The following GSTA5 variants were observed in gnomAD, a reference collection of about 807,000 sequenced individuals.
GSTA5 encodes glutathione S-transferase A5.
In GSTA5, 25 loss-of-function variants were observed where a neutral mutation model predicts 21.8. That is an observed-to-expected ratio of 1.14 (90% CI 0.83 to 1.60). The LOEUF is 1.60. Among genes scored for constraint, GSTA5 ranks in the 40% most tolerant of loss-of-function variants. GSTA5 has a pLI of 0.00. For missense variants in GSTA5, 330 were observed against 259.2 expected, an observed-to-expected ratio of 1.27 and a Z score of -1.88; for synonymous variants, 102 against 89.5, an observed-to-expected ratio of 1.14 and a Z score of -0.78.
chr6:52,834,119 A>T, intron 4 of GSTA5, 22 bp downstream of exon 4: 1 of 1,614,026 alleles, frequency 6.2e-7, no homozygotes, highest in East Asian at 2.2e-5. Context: ...AGTTCCCCTA[A>T]ACATTGAACA....
intron 1 of GSTA5, among the ~76,000 whole-genome samples, chr6:52,838,790 T>C (rs1223025238): frequency 6.6e-6 from 1 of 152,228 alleles, no homozygotes; most frequent in Non-Finnish European, 1.5e-5. Flanking sequence ...CTGTGTGATC[T>C]AGGAATTATT....
intron 4 of GSTA5, 27 bp downstream of exon 4, chr6:52,834,114 C>T: frequency 1.2e-6 from 2 of 1,613,866 alleles, no homozygotes; most frequent in Non-Finnish European, 1.7e-6. Flanking sequence ...AACTCAGTTC[C>T]CCTAAACATT....
exon 5 of GSTA5, chr6:52,832,960 C>A (rs770310044): frequency 2.5e-6 from 4 of 1,614,008 alleles, no homozygotes; most frequent in Admixed American, 3.3e-5. Context: ...TTGTTGCCAA[C>A]AAGGTAGTCT....
rs1226692213 is a variant in GSTA5 at position 52,836,420 on chromosome 6, T to A, written c.140-52A>T. 9 of 1,557,096 alleles carry A rather than the reference T, an allele frequency of 5.8e-6. No individual in the cohort carries two copies. The African/African-American group carries it at 1.1e-4, about 19-fold the overall frequency. On this transcript the variant is annotated intron_variant, in intron 2 of 5. Transcript: ENST00000370989. The stretch of plus-strand genomic sequence containing the variant: ...ATGAAGTGTCTATGAAACCCACCCT[T>A]TTGGGATGAAAAAAATGGTTATGGA...
At chr6:52,841,773 G>A (rs1764380145), upstream of GSTA5, among the ~76,000 whole-genome samples, 2 of 152,138 alleles carry the variant, frequency 1.3e-5, no homozygotes, top group African/African-American at 4.8e-5. Flanking sequence ...TTACAGTTGA[G>A]GATACTGAGG....
At chr6:52,835,368 A>G (rs1261615741) in intron 3 of GSTA5, among the ~76,000 whole-genome samples, 2 of 152,158 alleles carry the variant, frequency 1.3e-5, no homozygotes, top group Admixed American at 1.3e-4. Flanking sequence ...TCATGACCAA[A>G]TATCTTTCCA....
intron 3 of GSTA5, among the ~76,000 whole-genome samples, 191 bp from the exon 4 acceptor site, chr6:52,834,473 T>C (rs1289347218): frequency 6.6e-6 from 1 of 152,224 alleles, no homozygotes; most frequent in East Asian, 1.9e-4. Flanking sequence ...TTTACAGGTA[T>C]ATTAACATTT....
At chr6:52,844,704 T>G (rs889697509), upstream of GSTA5, among the ~76,000 whole-genome samples, 1 of 152,168 alleles carries the variant, frequency 6.6e-6, no homozygotes, top group African/African-American at 2.4e-5. Flanking sequence ...GGTAGTTATT[T>G]CTACTTTTGA....
chr6:52,835,611 A>C (rs906244002), intron 3 of GSTA5, among the ~76,000 whole-genome samples: 2 of 152,158 alleles, frequency 1.3e-5, no homozygotes, highest in Non-Finnish European at 2.9e-5. Flanking sequence ...TTCAGGATTT[A>C]TTTGTAATTA....
upstream of GSTA5, among the ~76,000 whole-genome samples, chr6:52,843,921 C>T (rs938089009): frequency 6.6e-6 from 1 of 152,126 alleles, no homozygotes; most frequent in Non-Finnish European, 1.5e-5. Context: ...CATATCGCCT[C>T]TCAATATGAG....
intron 5 of GSTA5, 76 bp downstream of exon 5, chr6:52,832,783 T>G (rs1343588332): frequency 1.2e-6 from 2 of 1,603,674 alleles, no homozygotes; most frequent in East Asian, 4.5e-5. Flanking sequence ...CAAAACATGG[T>G]CAGTCCCGGG....
At chr6:52,832,537 TG>T (rs1489936415) in intron 5 of GSTA5, among the ~76,000 whole-genome samples, 2 of 152,042 alleles carry the variant, frequency 1.3e-5, no homozygotes, top group Non-Finnish European at 2.9e-5. Flanking sequence ...AGGGCACATG[TG>T]GGATAAAGGA....
chr6:52,832,518 G>A (rs779609157), intron 5 of GSTA5, among the ~76,000 whole-genome samples: 2 of 152,042 alleles, frequency 1.3e-5, no homozygotes, highest in African/African-American at 2.4e-5. Context: ...AATTCAATGC[G>A]GGAAGACAAG....
At chr6:52,837,644 T>A (rs1161167007) in intron 1 of GSTA5, 35 bp from the exon 2 acceptor site, 1 of 1,446,280 alleles carries the variant, frequency 6.9e-7, no homozygotes, top group East Asian at 2.3e-5. Flanking sequence ...TTCTTCTTAG[T>A]TAATTCTATT....
chr6:52,845,506 G>C (rs1306697340), upstream of GSTA5, among the ~76,000 whole-genome samples: 2 of 152,210 alleles, frequency 1.3e-5, no homozygotes, highest in African/African-American at 4.8e-5. Context: ...TAGCTATCCT[G>C]TAGATTGGCC....
exon 6 of GSTA5, chr6:52,831,739 G>C: frequency 7.9e-7 from 1 of 1,273,420 alleles, no homozygotes; most frequent in Non-Finnish European, 1.1e-6. Flanking sequence ...TAATTGGAAA[G>C]AGTTTATTAG....
upstream of GSTA5, among the ~76,000 whole-genome samples, chr6:52,842,699 C>G (rs1445911768): frequency 6.6e-6 from 1 of 152,196 alleles, no homozygotes; most frequent in African/African-American, 2.4e-5. Context: ...GCCACTGCAC[C>G]CGCCGTCAAC....
At chr6:52,843,200 C>T (rs1024801535), upstream of GSTA5, among the ~76,000 whole-genome samples, 8 of 152,104 alleles carry the variant, frequency 5.3e-5, no homozygotes, top group African/African-American at 7.2e-5. Flanking sequence ...TGAACAGGGC[C>T]GCAGTAAACA....
intron 2 of GSTA5, 59 bp downstream of exon 2, chr6:52,837,499 C>A: frequency 8.9e-7 from 1 of 1,124,166 alleles, no homozygotes; most frequent in Non-Finnish European, 1.3e-6. Flanking sequence ...GGCTGCTCAA[C>A]GTTCCTCTGT....
Sources: allele counts gnomAD v4.1 joint callset (sites outside exome capture counted in the v4.1 genomes callset), GRCh38; gene constraint gnomAD v4.1.1; transcripts MANE v1.5; gene names NCBI Gene and HGNC (gene_info 2026-07-23, HGNC 2026-07-21).